CAMTA1: variants seen among roughly 807,000 people sequenced by gnomAD.
CAMTA1 encodes the protein calmodulin-binding transcription activator 1.
CAMTA1 carries 27 observed loss-of-function variants against 170.9 expected under a neutral mutation model. That is an observed-to-expected ratio of 0.16 (90% CI 0.12 to 0.22). CAMTA1 has a LOEUF of 0.22. Among genes scored for constraint, CAMTA1 ranks in the 10% least tolerant of loss-of-function variants. The pLI, the probability that CAMTA1 is intolerant of heterozygous loss-of-function variation, is 1.00. For missense variants in CAMTA1, 1,619 were observed against 2,217.2 expected (o/e 0.73, Z 5.42); for synonymous variants, 833 against 891.5 (o/e 0.93, Z 1.17).
intron 1 of CAMTA1, among the ~76,000 whole-genome samples, chr1:6,805,809 C>G (rs1644446653): frequency 6.6e-6 from 1 of 152,110 alleles, no homozygotes; most frequent in Non-Finnish European, 1.5e-5. Context: ...CTGTGCTGGC[C>G]TTTACTTTCT....
intron 3 of CAMTA1, among the ~76,000 whole-genome samples, chr1:6,959,386 A>G (rs1689999636): frequency 6.6e-6 from 1 of 152,190 alleles, no homozygotes; most frequent in Non-Finnish European, 1.5e-5. Context: ...CTTGGGCACC[A>G]CTGCTTACCA....
At chr1:7,705,471 G>A (rs1333071496) in intron 11 of CAMTA1, among the ~76,000 whole-genome samples, 1 of 150,916 alleles carries the variant, frequency 6.6e-6, no homozygotes, top group Non-Finnish European at 1.5e-5. Flanking sequence ...GGACGCGCGC[G>A]TGTGTCTGTG....
In CAMTA1 at chr1:7,600,112, C is replaced by T. The variant is rs2095428905; in HGVS notation, c.511-40288C>T. ...TAGCTCTTATGATTTTGAGATACGT[C>T]CCATCAATACCTAATTTATTGAGAG... On this transcript the variant is annotated intron_variant, in intron 6 of 22. Coordinates refer to ENST00000303635, the MANE Select transcript of CAMTA1 (RefSeq NM_015215.4). Among the ~76,000 whole-genome samples the T allele has an allele frequency of 5.9e-5, 9 of 152,286 alleles. No homozygotes were observed. In the South Asian group the frequency reaches 1.9e-3, roughly 32 times the overall value.
Position 6,918,501 on chromosome 1 carries a change from A to G in CAMTA1, c.234+93291A>G, listed in dbSNP as rs1219619417. Among the ~76,000 whole-genome samples the G allele has an allele frequency of 1.3e-5, 2 of 152,246 alleles. No individual in the cohort carries two copies. Among genetic ancestry groups the G allele is most frequent in the African/African-American group, 2.4e-5 (1 of 41,472 alleles). On this transcript the variant is annotated intron_variant, in intron 3 of 22. Coordinates refer to ENST00000303635, the MANE Select transcript of CAMTA1 (RefSeq NM_015215.4). The surrounding 1 kb of genome is among the most constrained non-coding windows in gnomAD (Gnocchi z 4.0). ...ACAGATAAATGTCTCCCAATTGCAT[A>G]TAAATGTCTCGGCTTTACTGTACTA...
intron 3 of CAMTA1, among the ~76,000 whole-genome samples, chr1:6,991,858 C>G (rs1696428071): frequency 6.6e-6 from 1 of 152,048 alleles, no homozygotes; most frequent in Non-Finnish European, 1.5e-5. Context: ...ACCACCATAC[C>G]TGGCTATTTT....
chr1:7,412,193 A>G (rs1204798658), intron 5 of CAMTA1, among the ~76,000 whole-genome samples: 2 of 152,112 alleles, frequency 1.3e-5, no homozygotes, highest in African/African-American at 4.8e-5. Context: ...AGTCTTTGCT[A>G]TCGTGAATAG....
chr1:7,406,157 G>A (rs903140676), intron 5 of CAMTA1, among the ~76,000 whole-genome samples: 1 of 152,246 alleles, frequency 6.6e-6, no homozygotes, highest in Non-Finnish European at 1.5e-5. Flanking sequence ...TCTCCAGATT[G>A]CTTTGGCTCC....
intron 7 of CAMTA1, 145 bp from the exon 8 acceptor site, chr1:7,661,581 C>T (rs1240041215): frequency 1.1e-6 from 1 of 885,480 alleles, no homozygotes; most frequent in East Asian, 2.5e-5. Flanking sequence ...CTCCTCCTCC[C>T]CTACTCATCA....
chr1:6,824,492 G>A (rs979775073), intron 2 of CAMTA1, among the ~76,000 whole-genome samples: 1 of 152,096 alleles, frequency 6.6e-6, no homozygotes, highest in African/African-American at 2.4e-5. Context: ...ATATGTATAT[G>A]TAAATCAAGT....
At position 7,082,445 on chromosome 1, in the gene CAMTA1, A is replaced by T. The variant is rs1640149397; in HGVS notation, c.235-8859A>T. 3.8e-5 allele frequency among the ~76,000 whole-genome samples: 5 copies of T among 130,038 alleles called. 1 individual carries two copies. The South Asian group carries it at 1.4e-3, about 36-fold the overall frequency. 85.3% of individuals were successfully genotyped at this position (130,038 alleles called of 152,430 possible). The stretch of plus-strand genomic sequence containing the variant: ...GGAGCAAGACTGCATCTCGAAATAG[A>T]TAGATAGATAGATAGATAGATAGAT... On this transcript the variant is annotated intron_variant, in intron 3 of 22. Transcript: ENST00000303635.
intron 3 of CAMTA1, among the ~76,000 whole-genome samples, chr1:7,019,376 A>C (rs1341811283): frequency 6.6e-6 from 1 of 152,124 alleles, no homozygotes; most frequent in East Asian, 1.9e-4. Flanking sequence ...AGAGTGAGAG[A>C]TTGGGTTGGG....
At chr1:7,290,032 G>T (rs1369782217) in intron 5 of CAMTA1, among the ~76,000 whole-genome samples, 1 of 152,204 alleles carries the variant, frequency 6.6e-6, no homozygotes, top group Non-Finnish European at 1.5e-5. Context: ...ACAATAAATT[G>T]CTCTTGCTTT....
intron 3 of CAMTA1, among the ~76,000 whole-genome samples, chr1:6,986,934 T>C (rs1695451867): frequency 1.3e-5 from 2 of 152,094 alleles, no homozygotes; most frequent in South Asian, 4.2e-4. Flanking sequence ...CTTGGGCATA[T>C]CTTGTGGTGT....
At chr1:7,039,739 A>G (rs1704140810) in intron 3 of CAMTA1, among the ~76,000 whole-genome samples, 1 of 152,144 alleles carries the variant, frequency 6.6e-6, no homozygotes, top group South Asian at 2.1e-4. Context: ...ACCTAAACCC[A>G]CTTGATAATT....
At chr1:6,937,142 C>G (rs1557855060) in intron 3 of CAMTA1, among the ~76,000 whole-genome samples, 2 of 150,450 alleles carry the variant, frequency 1.3e-5, no homozygotes, top group African/African-American at 4.9e-5. Context: ...ACCACCATCA[C>G]CATCACCATC....
At position 7,082,870 on chromosome 1, in the gene CAMTA1, T is replaced by G. The variant is rs573296262; in HGVS notation, c.235-8434T>G. Reference sequence around the variant, plus strand: ...TGCTGCTAATTTGGCACTCCTTGTCTGTTTTGCACTTGAATGTGATAGCCC... The same window carrying G: ...TGCTGCTAATTTGGCACTCCTTGTCGGTTTTGCACTTGAATGTGATAGCCC... On this transcript the variant is annotated intron_variant, in intron 3 of 22. Coordinates refer to ENST00000303635, the MANE Select transcript of CAMTA1 (RefSeq NM_015215.4). Among the ~76,000 whole-genome samples, 35 of 152,348 alleles carry G rather than the reference T, an allele frequency of 2.3e-4. 1 individual carries two copies. In the South Asian group the frequency reaches 6.8e-3, roughly 30 times the overall value.
At chr1:7,430,259 G>A (rs932912595) in intron 5 of CAMTA1, among the ~76,000 whole-genome samples, 3 of 151,990 alleles carry the variant, frequency 2.0e-5, no homozygotes, top group African/African-American at 7.3e-5. Context: ...TGCTGCTGAT[G>A]ATGATGGGGA....
intron 3 of CAMTA1, among the ~76,000 whole-genome samples, chr1:7,059,077 CT>C (rs1707820410): frequency 6.6e-6 from 1 of 152,200 alleles, no homozygotes; most frequent in African/African-American, 2.4e-5. Context: ...TTCCTGGGCT[CT>C]CCTTTCCATC....
intron 3 of CAMTA1, among the ~76,000 whole-genome samples, chr1:6,995,201 A>T (rs1311499992): frequency 2.0e-5 from 3 of 151,080 alleles, no homozygotes; most frequent in African/African-American, 7.3e-5. Flanking sequence ...CGGTGCCAGC[A>T]CTATTGACAT....
Sources: gnomAD v4.1 joint callset for allele counts (sites outside exome capture counted in the v4.1 genomes callset) on GRCh38, gnomAD v4.1.1 for gene constraint, Gnocchi (gnomAD v3.1) non-coding constraint, MANE v1.5 for transcripts, NCBI Gene and HGNC (gene_info 2026-07-23, HGNC 2026-07-21) for gene names.